Variants in SLC12A8 observed in about 807,000 individuals in gnomAD.
The protein encoded by SLC12A8 is cation-chloride cotransporter 9.
In SLC12A8, 69 loss-of-function variants were observed where a neutral mutation model predicts 75.6. The observed-to-expected ratio is 0.91, with a 90% confidence interval of 0.75 to 1.11. The LOEUF (loss-of-function observed/expected upper bound fraction) is 1.11. Ranked by LOEUF, SLC12A8 falls within the 50% of genes most tolerant of loss-of-function variation. The pLI, the probability that SLC12A8 is intolerant of heterozygous loss-of-function variation, is 0.00. For synonymous variants in SLC12A8, 365 were observed against 372.8 expected, an observed-to-expected ratio of 0.98 and a Z score of 0.24; for missense variants, 877 against 896.7, an observed-to-expected ratio of 0.98 and a Z score of 0.28.
intron 9 of SLC12A8, 63 bp from the exon 10 acceptor site, chr3:125,108,189 A>G: frequency 6.7e-7 from 1 of 1,501,088 alleles, no homozygotes; most frequent in East Asian, 2.3e-5. Context: ...CAGAGATTTC[A>G]GAAGTTACAG....
At chr3:125,191,442 A>G (rs899271784) in intron 2 of SLC12A8, among the ~76,000 whole-genome samples, 11 of 124,418 alleles carry the variant, frequency 8.8e-5, no homozygotes, top group African/African-American at 3.4e-4. Flanking sequence ...AGAGTCTTCC[A>G]GTGACCACAA....
At chr3:125,110,965 C>A (rs1055397066) in intron 8 of SLC12A8, among the ~76,000 whole-genome samples, 1 of 152,156 alleles carries the variant, frequency 6.6e-6, no homozygotes, top group East Asian at 1.9e-4. Flanking sequence ...CTGTAGGAAG[C>A]CTCTGTTCAC....
intron 6 of SLC12A8, among the ~76,000 whole-genome samples, chr3:125,130,216 T>C (rs1933317720): frequency 6.6e-6 from 1 of 152,226 alleles, no homozygotes; most frequent in African/African-American, 2.4e-5. Flanking sequence ...TATAGCTTTT[T>C]CAGCGGAAGG....
chr3:125,119,507 C>A (rs1197292079), intron 7 of SLC12A8, among the ~76,000 whole-genome samples: 1 of 152,248 alleles, frequency 6.6e-6, no homozygotes, highest in Non-Finnish European at 1.5e-5. Context: ...CCTGTGGTCT[C>A]CTCATTCCCA....
intron 5 of SLC12A8, among the ~76,000 whole-genome samples, chr3:125,154,534 A>G (rs1934003361): frequency 6.6e-6 from 1 of 152,190 alleles, no homozygotes; most frequent in African/African-American, 2.4e-5. Context: ...TGGCACAAAC[A>G]GAATGCTCAA....
chr3:125,187,150 C>CAAGT, intron 4 of SLC12A8, 87 bp downstream of exon 4: 1 of 1,387,672 alleles, frequency 7.2e-7, no homozygotes, highest in Non-Finnish European at 1.0e-6. Flanking sequence ...TCCCCACCCT[C>CAAGT]GCTTCTCCCC....
intron 4 of SLC12A8, among the ~76,000 whole-genome samples, chr3:125,184,867 C>T (rs1222786162): frequency 6.6e-6 from 1 of 152,028 alleles, no homozygotes; most frequent in African/African-American, 2.4e-5. Flanking sequence ...TTTGTAAACA[C>T]ACCTTTATCT....
chr3:125,161,375 G>A lies in SLC12A8; in HGVS notation c.622+16368C>T, dbSNP rs72965872. The stretch of plus-strand genomic sequence containing the variant: ...TTTCCCTAAATTTGTCTTGCCTGGC[G>A]TGTAGCTCAGAAGCAAAGGAGGATT... On this transcript the variant is annotated intron_variant, in intron 5 of 13. Transcript: ENST00000469902. 1.8e-3 allele frequency among the ~76,000 whole-genome samples: 272 copies of A among 152,290 alleles called. 1 individual carries two copies. The highest frequency in any genetic ancestry group is 5.4e-3 in the African/African-American group (224 of 41,554).
At chr3:125,134,537 G>A (rs1933441794) in intron 6 of SLC12A8, among the ~76,000 whole-genome samples, 1 of 152,148 alleles carries the variant, frequency 6.6e-6, no homozygotes, top group South Asian at 2.1e-4. Flanking sequence ...AAGCTGCTTG[G>A]AAGTTCATGT....
intron 6 of SLC12A8, among the ~76,000 whole-genome samples, chr3:125,124,988 T>G (rs1933161443): frequency 6.6e-6 from 1 of 152,298 alleles, no homozygotes; most frequent in African/African-American, 2.4e-5. Context: ...AAAATAAGGT[T>G]GGGAAAACCT....
chr3:125,102,574 G>T (rs915137144), intron 10 of SLC12A8, among the ~76,000 whole-genome samples: 1 of 152,178 alleles, frequency 6.6e-6, no homozygotes, highest in South Asian at 2.1e-4. Flanking sequence ...CAAGAGTCCA[G>T]GTACAAGATG....
At chr3:125,140,288 C>G (rs1373496624) in intron 5 of SLC12A8, among the ~76,000 whole-genome samples, 1 of 152,202 alleles carries the variant, frequency 6.6e-6, no homozygotes, top group Non-Finnish European at 1.5e-5. Flanking sequence ...TGTACGATGA[C>G]TAACTGAGGA....
Position 125,092,089 on chromosome 3 carries a change from GA to G in SLC12A8, c.1803+11del. 6.3e-7 allele frequency: 1 copy of G among 1,583,302 alleles called. No individual in the cohort carries two copies. Among genetic ancestry groups the G allele is most frequent in the East Asian group, 2.2e-5 (1 of 44,668 alleles). On this transcript the variant is annotated intron_variant, in intron 11 of 13. Transcript: ENST00000469902. ...TCCCAAGAACAACTGAGATCAAGAT[GA>G]AGTTACTCACCCCCAACAGGGAGAC...
At position 125,198,570 on chromosome 3, in the gene SLC12A8, G is replaced by A. The variant is rs532770628; in HGVS notation, c.52-8049C>T. On this transcript the variant is annotated intron_variant, in intron 2 of 13. Coordinates refer to ENST00000469902, the MANE Select transcript of SLC12A8 (RefSeq NM_024628.6). ...ATCGCTTGAACCTGGGAGGCAGAGG[G>A]TGCAGTGAGCCGAGATCTCACCACT... Among the ~76,000 whole-genome samples the A allele has an allele frequency of 4.0e-5, 6 of 149,774 alleles. No individual in the cohort carries two copies. The East Asian group carries it at 1.2e-3, about 30-fold the overall frequency.
At chr3:125,150,373 C>T (rs542285596) in intron 5 of SLC12A8, among the ~76,000 whole-genome samples, 47 of 152,252 alleles carry the variant, frequency 3.1e-4, no homozygotes, top group Middle Eastern at 3.4e-3. Context: ...ATGGTTATTT[C>T]GCAGTAAGGG....
chr3:125,112,138 T>C (rs1391536741), intron 8 of SLC12A8, among the ~76,000 whole-genome samples: 1 of 152,222 alleles, frequency 6.6e-6, no homozygotes, highest in East Asian at 1.9e-4. Flanking sequence ...TTCAAGACCA[T>C]TGGTGGAATA....
chr3:125,107,261 A>T (rs1939050525), intron 10 of SLC12A8, among the ~76,000 whole-genome samples: 1 of 152,244 alleles, frequency 6.6e-6, no homozygotes, highest in African/African-American at 2.4e-5. Context: ...TCTAACATAC[A>T]GGAGTAGATA....
chr3:125,208,342 T>A (rs967615255), intron 2 of SLC12A8, among the ~76,000 whole-genome samples: 1 of 152,108 alleles, frequency 6.6e-6, no homozygotes, highest in Non-Finnish European at 1.5e-5. Context: ...CTGCCTTATG[T>A]CTTCTGCCTG....
chr3:125,087,261 T>G (rs1219667484), intron 13 of SLC12A8, among the ~76,000 whole-genome samples: 1 of 151,984 alleles, frequency 6.6e-6, no homozygotes, highest in East Asian at 1.9e-4. Context: ...CCCAACTAAT[T>G]TTTGTAGTTT....
Sources: allele counts gnomAD v4.1 joint callset (sites outside exome capture counted in the v4.1 genomes callset), GRCh38; gene constraint gnomAD v4.1.1; transcripts MANE v1.5; gene names NCBI Gene and HGNC (gene_info 2026-07-23, HGNC 2026-07-21).